Variants in WDR48 observed in about 807,000 individuals in gnomAD.
WDR48 encodes the protein WD repeat domain 48, also known as WD repeat-containing protein 48.
Under a neutral mutation model 94.0 loss-of-function variants are expected in WDR48, and 22 were observed. That is an observed-to-expected ratio of 0.23 (90% confidence interval 0.17 to 0.33). WDR48 has a LOEUF of 0.33. WDR48 is among the 10% of genes least tolerant of loss of function. The pLI, the probability that WDR48 is intolerant of heterozygous loss-of-function variation, is 1.00. For synonymous variants in WDR48, 278 were observed against 280.5 expected, an observed-to-expected ratio of 0.99 and a Z score of 0.09; for missense variants, 541 against 813.8, an observed-to-expected ratio of 0.66 and a Z score of 4.08.
intron 7 of WDR48, among the ~76,000 whole-genome samples, chr3:39,072,020 C>T (rs1206890464): frequency 6.6e-6 from 1 of 152,172 alleles, no homozygotes; most frequent in African/African-American, 2.4e-5. Context: ...ATATTGCATC[C>T]TGCTAAATTG....
In WDR48 at chr3:39,089,300, A is replaced by G. The variant is rs778505417; in HGVS notation, c.1650A>G (p.Val550=). 4.3e-6 allele frequency: 7 copies of G among 1,613,090 alleles called. No individual in the cohort carries two copies. In the South Asian group the frequency reaches 6.6e-5, roughly 15 times the overall value. ...MLLNETVPQW[V]IDITVDKNMP... ...TTAATGAAACAGTGCCACAATGGGTAATTGACATCACTGTGGATGTAAGTA... is the reference window on the plus strand; with the variant it reads ...TTAATGAAACAGTGCCACAATGGGTGATTGACATCACTGTGGATGTAAGTA... Residue 550 remains valine (V), a synonymous_variant, in exon 16 of 19, where the codon GTA becomes GTG. Transcript: ENST00000302313.
intron 17 of WDR48, 55 bp from the exon 18 acceptor site, chr3:39,093,819 T>G: frequency 7.1e-7 from 1 of 1,410,348 alleles, no homozygotes; most frequent in Non-Finnish European, 9.3e-7. Context: ...TAATATGGAA[T>G]AAATAATATC....
intron 7 of WDR48, among the ~76,000 whole-genome samples, chr3:39,071,441 G>A (rs145937560): frequency 1.4e-3 from 214 of 152,288 alleles, no homozygotes; most frequent in Non-Finnish European, 2.2e-3. Context: ...GCCAGGATTG[G>A]GCGGGATCAT....
rs1488071459 is a variant in WDR48 at position 39,091,721 on chromosome 3, C to A, written c.1745+20C>A. 3 of 1,571,276 alleles carry A rather than the reference C, an allele frequency of 1.9e-6. No individual in the cohort carries two copies. Among genetic ancestry groups the A allele is most frequent in the South Asian group, 1.2e-5 (1 of 85,892 alleles). On this transcript the variant is annotated intron_variant, in intron 17 of 18. Transcript: ENST00000302313. ...AAAAAAGTAAGTAAATATATGGTTT[C>A]TTGATCTAATTAACTACTAGAGAGA...
intron 9 of WDR48, chr3:39,077,928 C>A (rs2034311984): frequency 4.4e-6 from 2 of 453,970 alleles, no homozygotes; most frequent in Admixed American, 3.9e-5. Context: ...GCATAGTTTT[C>A]TCTCCCAAAG....
At chr3:39,063,781 A>C (rs542834736) in intron 2 of WDR48, among the ~76,000 whole-genome samples, 240 of 150,772 alleles carry the variant, frequency 1.6e-3, no homozygotes, top group African/African-American at 5.8e-3. Flanking sequence ...TGTCTCTGCA[A>C]AAAAAAAAAC....
At position 39,084,274 on chromosome 3, in the gene WDR48, A is replaced by G. The variant is rs765157429; in HGVS notation, c.1281+12A>G. On this transcript the variant is annotated intron_variant, in intron 12 of 18. Transcript: ENST00000302313. ...ACTTAAAAACAGGGGTAAGTTAGCA[A>G]TTGATACTTGTATGATTTGGGATAA... 19 of 1,545,438 alleles carry G rather than the reference A, an allele frequency of 1.2e-5. No homozygotes were observed. The highest frequency in any genetic ancestry group is 1.7e-5 in the Admixed American group (1 of 59,296).
At chr3:39,057,516 AATAC>A (rs1424084538) in intron 1 of WDR48, among the ~76,000 whole-genome samples, 1 of 152,256 alleles carries the variant, frequency 6.6e-6, no homozygotes, top group African/African-American at 2.4e-5. Context: ...AAAACTAAGT[AATAC>A]ATGTTGTTTG....
intron 18 of WDR48, chr3:39,094,334 C>T (rs1468149087): frequency 7.0e-7 from 1 of 1,423,430 alleles, no homozygotes; most frequent in Non-Finnish European, 9.1e-7. Context: ...AAGCATGTGC[C>T]ATGTTTATGA....
intron 14 of WDR48, among the ~76,000 whole-genome samples, chr3:39,085,921 A>G (rs2034787170): frequency 6.6e-6 from 1 of 152,246 alleles, no homozygotes; most frequent in South Asian, 2.1e-4. Context: ...ATATTCTTCA[A>G]GGTACCTCTG....
chr3:39,059,275 G>T (rs1239043041), intron 1 of WDR48, among the ~76,000 whole-genome samples: 1 of 152,104 alleles, frequency 6.6e-6, no homozygotes, highest in African/African-American at 2.4e-5. Flanking sequence ...GATTCGAGGG[G>T]TGGTGAATCT....
At position 39,084,284 on chromosome 3, in the gene WDR48, G is replaced by C. The variant is rs750338132; in HGVS notation, c.1281+22G>C. The stretch of plus-strand genomic sequence containing the variant: ...AGGGGTAAGTTAGCAATTGATACTT[G>C]TATGATTTGGGATAATTGAAGATTT... On this transcript the variant is annotated intron_variant, in intron 12 of 18. Transcript: ENST00000302313. 31 of 1,504,620 alleles carry C rather than the reference G, an allele frequency of 2.1e-5. No homozygotes were observed. The Middle Eastern group carries it at 5.2e-4, about 25-fold the overall frequency. 93.2% of individuals were successfully genotyped at this position (1,504,620 alleles called of 1,614,324 possible). A position where few individuals can be genotyped will look rare whatever the true frequency, so the allele number is the denominator to read the frequency against.
chr3:39,059,095 A>AAT (rs1249510041), intron 1 of WDR48, among the ~76,000 whole-genome samples: 6 of 150,344 alleles, frequency 4.0e-5, no homozygotes, highest in African/African-American at 1.2e-4. Flanking sequence ...AAAAAAAAAA[A>AAT]ATACAGAATG....
Position 39,085,009 on chromosome 3 carries a change from C to A in WDR48, c.1378+268C>A, listed in dbSNP as rs1407239766. On this transcript the variant is annotated intron_variant, in intron 13 of 18. Coordinates refer to ENST00000302313, the MANE Select transcript of WDR48 (RefSeq NM_020839.4). ...TTGGGAGGCCGAGGCGGGTGGATCACGAGGTCAGGGGATCGAGACCATCCT... is the reference window on the plus strand; with the variant it reads ...TTGGGAGGCCGAGGCGGGTGGATCAAGAGGTCAGGGGATCGAGACCATCCT... Among the ~76,000 whole-genome samples, 8 of 152,216 alleles carry A rather than the reference C, an allele frequency of 5.3e-5. No homozygotes were observed. The South Asian group carries it at 1.7e-3, about 32-fold the overall frequency.
At chr3:39,094,613 CTT>C (rs1399610663) in intron 18 of WDR48, 33 bp from the exon 19 acceptor site, 5 of 1,613,078 alleles carry the variant, frequency 3.1e-6, no homozygotes, top group Admixed American at 1.7e-5. Flanking sequence ...ATATTAGAGA[CTT>C]TGAAATTTTT....
chr3:39,075,261 T>A (rs1394993163), intron 8 of WDR48, among the ~76,000 whole-genome samples: 1 of 147,240 alleles, frequency 6.8e-6, no homozygotes, highest in Non-Finnish European at 1.5e-5. Flanking sequence ...TCTTGGTACA[T>A]CAGTGATGCA....
intron 1 of WDR48, chr3:39,052,279 G>A (rs2032464050): frequency 1.7e-6 from 1 of 586,014 alleles, no homozygotes; most frequent in Non-Finnish European, 3.0e-6. Context: ...TGGGGCCCAG[G>A]CCCGGGACCC....
intron 10 of WDR48, among the ~76,000 whole-genome samples, chr3:39,079,470 T>G (rs2034408805): frequency 1.3e-5 from 2 of 152,236 alleles, no homozygotes; most frequent in East Asian, 3.8e-4. Context: ...AAGAGCCCTT[T>G]AATCCATAAT....
chr3:39,094,595 G>A (rs1189289279), intron 18 of WDR48, 53 bp from the exon 19 acceptor site: 2 of 1,608,712 alleles, frequency 1.2e-6, no homozygotes. Context: ...TTAATGATAA[G>A]GTTTTAGATA....
Sources: gnomAD v4.1 joint callset for allele counts (sites outside exome capture counted in the v4.1 genomes callset) on GRCh38, gnomAD v4.1.1 for gene constraint, MANE v1.5 for transcripts, NCBI Gene and HGNC (gene_info 2026-07-23, HGNC 2026-07-21) for gene names.